PAK3: variants seen among roughly 807,000 people sequenced by gnomAD.
The protein encoded by PAK3 is p21 (RAC1) activated kinase 3.
Under a neutral mutation model 41.0 loss-of-function variants are expected in PAK3, and 4 were observed. The ratio of observed to expected loss-of-function variants is 0.10; its 90% CI spans 0.05 to 0.22. The LOEUF (loss-of-function observed/expected upper bound fraction) is 0.22. Among genes scored for constraint, PAK3 ranks in the 10% least tolerant of loss-of-function variants. The pLI is 1.00. For synonymous variants in PAK3, 146 were observed against 139.6 expected (o/e 1.05, Z -0.32); for missense variants, 205 against 409.9 (o/e 0.50, Z 4.32).
intron 1 of PAK3, among the ~76,000 whole-genome samples, chrX:110,951,397 C>A (rs1287433981): frequency 8.9e-6 from 1 of 112,403 alleles, no homozygotes; most frequent in Non-Finnish European, 1.9e-5. Context: ...TATCCTTGCA[C>A]TATGTCATAT....
At chrX:111,086,725 C>G (rs1043042245) in intron 1 of PAK3, among the ~76,000 whole-genome samples, 1 of 111,307 alleles carries the variant, frequency 9.0e-6, no homozygotes, top group Non-Finnish European at 1.9e-5. Context: ...GGCACCATAG[C>G]GAACACAGTT....
intron 1 of PAK3, among the ~76,000 whole-genome samples, chrX:111,062,274 A>G (rs2092663033): frequency 8.9e-6 from 1 of 112,121 alleles, no homozygotes; most frequent in Admixed American, 9.5e-5. Flanking sequence ...CATTTTAATG[A>G]GAATGTTTCT....
At chrX:110,957,531 T>G (rs2090887505) in intron 1 of PAK3, among the ~76,000 whole-genome samples, 1 of 112,163 alleles carries the variant, frequency 8.9e-6, no homozygotes, top group Non-Finnish European at 1.9e-5. Context: ...GGATGTACTT[T>G]TACAAGTCCT....
intron 1 of PAK3, among the ~76,000 whole-genome samples, chrX:111,060,824 A>G (rs112734468): frequency 0.046 from 5,178 of 111,696 alleles, 294 homozygotes; most frequent in African/African-American, 0.16. Flanking sequence ...TGTATTTACT[A>G]TAACCTGAAA....
At chrX:111,047,771 T>C (rs1490497429) in intron 1 of PAK3, among the ~76,000 whole-genome samples, 1 of 111,487 alleles carries the variant, frequency 9.0e-6, no homozygotes, top group Non-Finnish European at 1.9e-5. Flanking sequence ...AAACTTCCCT[T>C]TTGGAAGTCA....
At chrX:110,964,659 A>G (rs960965603) in intron 1 of PAK3, among the ~76,000 whole-genome samples, 1 of 112,176 alleles carries the variant, frequency 8.9e-6, no homozygotes, top group African/African-American at 3.2e-5. Flanking sequence ...TAGTGAGTAG[A>G]TCTACAGAAT....
At chrX:110,957,039 C>G (rs1467666255) in intron 1 of PAK3, among the ~76,000 whole-genome samples, 1 of 111,714 alleles carries the variant, frequency 9.0e-6, no homozygotes, top group African/African-American at 3.3e-5. Context: ...CCCAAAGTGA[C>G]CATTTCAGAG....
chrX:111,088,059 A>T (rs770727186), intron 1 of PAK3, among the ~76,000 whole-genome samples: 1 of 111,312 alleles, frequency 9.0e-6, no homozygotes, highest in East Asian at 2.8e-4. Context: ...GAGATTTTTT[A>T]AAAATCCTAG....
At chrX:111,120,580 C>A in intron 4 of PAK3, among the ~76,000 whole-genome samples, 1 of 111,834 alleles carries the variant, frequency 8.9e-6, no homozygotes. Context: ...CTTTGTATAT[C>A]ATTTTAAAGA....
At chrX:111,163,501 T>C (rs2094215584) in intron 9 of PAK3, 61 bp from the exon 10 acceptor site, 1 of 810,906 alleles carries the variant, frequency 1.2e-6, no homozygotes, top group Non-Finnish European at 1.9e-6. Flanking sequence ...TTACAATACA[T>C]TGACTCCACA....
At chrX:110,981,059 G>C (rs2091439440) in intron 1 of PAK3, among the ~76,000 whole-genome samples, 1 of 111,746 alleles carries the variant, frequency 8.9e-6, no homozygotes, top group Admixed American at 9.5e-5. Context: ...CCTCCAGGGA[G>C]GATGGGATTG....
chrX:111,157,071 A>T (rs964024050), intron 8 of PAK3, among the ~76,000 whole-genome samples: 7 of 111,152 alleles, frequency 6.3e-5, no homozygotes, highest in Admixed American at 1.9e-4. Flanking sequence ...GTACTGGTTA[A>T]TTTTTTTTAA....
intron 11 of PAK3, among the ~76,000 whole-genome samples, chrX:111,183,830 G>A (rs1430740901): frequency 8.9e-6 from 1 of 111,735 alleles, no homozygotes; most frequent in Non-Finnish European, 1.9e-5. Context: ...GCTTGGCCAT[G>A]TCAGGGAGAG....
At chrX:111,208,502 A>G (rs976732886) in intron 16 of PAK3, among the ~76,000 whole-genome samples, 3 of 111,757 alleles carry the variant, frequency 2.7e-5, no homozygotes, top group Non-Finnish European at 3.8e-5. Context: ...CTTTTATACC[A>G]TATTTTTACT....
At chrX:111,011,887 G>A (rs2092016162) in intron 1 of PAK3, among the ~76,000 whole-genome samples, 2 of 112,440 alleles carry the variant, frequency 1.8e-5, no homozygotes, top group African/African-American at 6.5e-5. Context: ...CACATCAGTA[G>A]TTATAGATCT....
At chrX:111,216,680 C>A in intron 17 of PAK3, 122 bp downstream of exon 17, 1 of 622,995 alleles carries the variant, frequency 1.6e-6, no homozygotes, top group Non-Finnish European at 2.7e-6. Context: ...TTATTTTAGA[C>A]CACAGGCACA....
At chrX:111,200,340 C>T (rs762353770) in intron 16 of PAK3, among the ~76,000 whole-genome samples, 1 of 111,907 alleles carries the variant, frequency 8.9e-6, no homozygotes, top group Non-Finnish European at 1.9e-5. Context: ...CCTCCTGGCT[C>T]TCTCCTAACT....
At chrX:110,984,342 A>G (rs1382399591) in intron 1 of PAK3, among the ~76,000 whole-genome samples, 1 of 111,731 alleles carries the variant, frequency 9.0e-6, no homozygotes, top group Non-Finnish European at 1.9e-5. Flanking sequence ...ACACATACAC[A>G]CACATATACA....
chrX:111,090,246 G>A (rs2092920059), intron 1 of PAK3, among the ~76,000 whole-genome samples: 1 of 111,071 alleles, frequency 9.0e-6, no homozygotes, highest in South Asian at 3.9e-4. Flanking sequence ...TTGAAGAGAG[G>A]TAATGTGCTT....
Sources: allele counts gnomAD v4.1 joint callset (sites outside exome capture counted in the v4.1 genomes callset), GRCh38; gene constraint gnomAD v4.1.1; transcripts MANE v1.5; gene names NCBI Gene and HGNC (gene_info 2026-07-23, HGNC 2026-07-21).